MSTO1: variants seen among roughly 807,000 people sequenced by gnomAD.
The protein encoded by MSTO1 is misato mitochondrial distribution and morphology regulator 1, also known as protein misato homolog 1.
A neutral mutation model predicts 55.7 loss-of-function variants in MSTO1; 24 were observed. The observed-to-expected ratio is 0.43, with a 90% CI of 0.31 to 0.61. The LOEUF is 0.61. Among genes scored for constraint, MSTO1 ranks in the 20% least tolerant of loss-of-function variants. The pLI, the probability that MSTO1 is intolerant of heterozygous loss-of-function variation, is 0.09. For synonymous variants in MSTO1, 162 were observed against 252.8 expected (o/e 0.64, Z 3.41); for missense variants, 363 against 625.7 (o/e 0.58, Z 4.48).
At chr1:155,606,962 G>A (rs1672945534), upstream of MSTO1, among the ~76,000 whole-genome samples, 2 of 151,898 alleles carry the variant, frequency 1.3e-5, no homozygotes, top group South Asian at 4.1e-4. Context: ...AGACTCCTGA[G>A]TAGTTGAGAT....
chr1:155,567,144 C>G, the MSTO1 span, among the ~76,000 whole-genome samples: 1 of 150,974 alleles, frequency 6.6e-6, no homozygotes, highest in Non-Finnish European at 1.5e-5. Flanking sequence ...TTTTTTTCCC[C>G]ACAGAGTCTT....
At chr1:155,606,221 T>TAA (rs1672933007), upstream of MSTO1, among the ~76,000 whole-genome samples, 1 of 139,028 alleles carries the variant, frequency 7.2e-6, no homozygotes, top group African/African-American at 2.7e-5. Context: ...TTTTTTTTTT[T>TAA]TTTTTTTTTG....
chr1:155,589,560 A>C, the MSTO1 span, among the ~76,000 whole-genome samples: 1 of 152,160 alleles, frequency 6.6e-6, no homozygotes, highest in Non-Finnish European at 1.5e-5. Context: ...AAGCCAGTCC[A>C]AGTCCCAAAA....
rs542441796 is a variant in MSTO1, at chr1:155,614,879, G to A, written c.*606G>A. On this transcript the variant is annotated 3_prime_UTR_variant, in exon 14 of 14. Transcript: ENST00000245564. Reference sequence around the variant, plus strand: ...CGAAAATGGTGGGAAACCTAAGAAAGGAGGAGGGCTGTATTCACTGATCCT... The same window carrying A: ...CGAAAATGGTGGGAAACCTAAGAAAAGAGGAGGGCTGTATTCACTGATCCT... 30 of 1,550,486 alleles carry A rather than the reference G, an allele frequency of 1.9e-5. No individual in the cohort carries two copies. In the African/African-American group the frequency reaches 3.8e-4, roughly 20 times the overall value.
In MSTO1 at chr1:155,612,824, A is replaced by G; in HGVS notation, c.967-20A>G. On this transcript the variant is annotated intron_variant, in intron 9 of 13. Transcript: ENST00000245564. ...TTTCCAGGCCTGAGGCCAAGTGCCC[A>G]TCTTGGTGTCTTCTTACAGGCCACT... 2 of 1,613,256 alleles carry G rather than the reference A, an allele frequency of 1.2e-6. No homozygotes were observed. The highest frequency in any genetic ancestry group is 1.7e-6 in the Non-Finnish European group (2 of 1,179,550).
upstream of MSTO1, among the ~76,000 whole-genome samples, chr1:155,605,259 A>T (rs12240260): frequency 0.048 from 3,657 of 75,698 alleles, 157 homozygotes; most frequent in African/African-American, 0.15. Context: ...AGACTCCATC[A>T]CAAAACAAAA....
At chr1:155,594,447 G>T in the MSTO1 span, among the ~76,000 whole-genome samples, 2 of 151,996 alleles carry the variant, frequency 1.3e-5, no homozygotes, top group Admixed American at 1.3e-4. Context: ...AGAGAGGGAA[G>T]TTGAAGTAGA....
the MSTO1 span, among the ~76,000 whole-genome samples, chr1:155,580,959 C>T: frequency 6.7e-6 from 1 of 149,820 alleles, no homozygotes; most frequent in Non-Finnish European, 1.5e-5. Flanking sequence ...TCTAACACTA[C>T]CTAAACAGTT....
At chr1:155,563,410 G>A in the MSTO1 span, 1 of 456,694 alleles carries the variant, frequency 2.2e-6, no homozygotes, top group South Asian at 1.5e-5. Context: ...TAGGGAGTGA[G>A]GCCAGTAGGA....
the MSTO1 span, among the ~76,000 whole-genome samples, chr1:155,591,605 A>C: frequency 6.6e-6 from 1 of 152,084 alleles, no homozygotes; most frequent in South Asian, 2.1e-4. Flanking sequence ...AGCCTGACCA[A>C]CATGGAGAAA....
At chr1:155,599,651 G>T in the MSTO1 span, among the ~76,000 whole-genome samples, 4 of 152,312 alleles carry the variant, frequency 2.6e-5, no homozygotes, top group East Asian at 7.7e-4. Context: ...AAGGGGACCA[G>T]GGGAACCAGC....
the MSTO1 span, chr1:155,591,095 G>A: frequency 1.9e-6 from 3 of 1,613,620 alleles, no homozygotes; most frequent in Non-Finnish European, 2.5e-6. Context: ...CTAGTGCTCT[G>A]CACCACTCAG....
Position 155,613,450 on chromosome 1 carries a change from T to C in MSTO1, c.1284-12T>C. 1 of 1,614,082 alleles carries C rather than the reference T, an allele frequency of 6.2e-7. No homozygotes were observed. The highest frequency in any genetic ancestry group is 8.5e-7 in the Non-Finnish European group (1 of 1,179,994). ...CCACAGACTAATGGTGGTTTTGGCT[T>C]TGTTCTGGCAGCCAGCTCACCCCAG... is the stretch of plus-strand genomic sequence containing the variant. On this transcript the variant is annotated splice_polypyrimidine_tract_variant and intron_variant, in intron 11 of 13. Coordinates refer to ENST00000245564, the MANE Select transcript of MSTO1 (RefSeq NM_018116.4).
chr1:155,612,154 CTA>C (rs1346630554), intron 7 of MSTO1, 26 bp from the exon 8 acceptor site: 3 of 1,613,646 alleles, frequency 1.9e-6, no homozygotes, highest in Non-Finnish European at 2.5e-6. Context: ...ATCCTGCTAA[CTA>C]TCTTTTGTCA....
At chr1:155,591,243 T>C in the MSTO1 span, 1 of 1,607,770 alleles carries the variant, frequency 6.2e-7, no homozygotes, top group Admixed American at 1.7e-5. Flanking sequence ...TCCCAGGATC[T>C]GCATTCTGGC....
chr1:155,595,916 G>T, the MSTO1 span, among the ~76,000 whole-genome samples: 1 of 152,282 alleles, frequency 6.6e-6, no homozygotes, highest in East Asian at 1.9e-4. Flanking sequence ...GCAGAAGCCA[G>T]GATTCCAGCA....
the MSTO1 span, among the ~76,000 whole-genome samples, chr1:155,577,356 G>A: frequency 1.3e-5 from 2 of 152,092 alleles, no homozygotes; most frequent in Non-Finnish European, 2.9e-5. Flanking sequence ...CCAAAGTGCT[G>A]GGATTACAGG....
the MSTO1 span, among the ~76,000 whole-genome samples, chr1:155,598,671 A>G: frequency 6.6e-6 from 1 of 152,116 alleles, no homozygotes; most frequent in African/African-American, 2.4e-5. Context: ...GCAGTGAGCC[A>G]AGATCACGTC....
chr1:155,603,354 AC>A, the MSTO1 span, among the ~76,000 whole-genome samples: 1 of 151,704 alleles, frequency 6.6e-6, no homozygotes, highest in Non-Finnish European at 1.5e-5. Flanking sequence ...CTGAGATCAC[AC>A]CACTTCACTC....
Sources: allele counts gnomAD v4.1 joint callset (sites outside exome capture counted in the v4.1 genomes callset), GRCh38; gene constraint gnomAD v4.1.1; transcripts MANE v1.5; gene names NCBI Gene and HGNC (gene_info 2026-07-23, HGNC 2026-07-21).